ZNF608: variants seen among roughly 807,000 people sequenced by gnomAD.
ZNF608 encodes renal carcinoma antigen NY-REN-36.
In ZNF608, 12 loss-of-function variants were observed where a neutral mutation model predicts 109.0. That is an observed-to-expected ratio of 0.11 (90% CI 0.07 to 0.18). The LOEUF is 0.18. ZNF608 is among the 10% of genes least tolerant of loss of function. The pLI, the probability that ZNF608 is intolerant of heterozygous loss-of-function variation, is 1.00. For synonymous variants in ZNF608, 732 were observed against 717.4 expected (o/e 1.02, Z -0.33); for missense variants, 1,707 against 1,879.3 (o/e 0.91, Z 1.70).
chr5:124,651,233 CATGGTA>C (rs1348093867), intron 3 of ZNF608, among the ~76,000 whole-genome samples: 1 of 151,784 alleles, frequency 6.6e-6, no homozygotes, highest in Non-Finnish European at 1.5e-5. Context: ...GATGAGAATC[CATGGTA>C]ATTAGGCATT....
chr5:124,710,542 A>G (rs1753446723), intron 2 of ZNF608: 1 of 243,322 alleles, frequency 4.1e-6, no homozygotes, highest in East Asian at 1.0e-4. Context: ...AGAAGAAGAC[A>G]ATTTTGACTC....
At chr5:124,693,972 A>ATTTTTTTTT (rs1561564262) in intron 3 of ZNF608, among the ~76,000 whole-genome samples, 2 of 23,298 alleles carry the variant, frequency 8.6e-5, no homozygotes, top group African/African-American at 2.3e-4. Flanking sequence ...CATTTCATTA[A>ATTTTTTTTT]TCTTTTTTTT....
chr5:124,720,246 C>T (rs1753852611), intron 2 of ZNF608, among the ~76,000 whole-genome samples: 1 of 152,198 alleles, frequency 6.6e-6, no homozygotes, highest in Non-Finnish European at 1.5e-5. Context: ...AAAAAGGAAA[C>T]TCTTCCTAGG....
chr5:124,676,663 G>C (rs1245837854), intron 3 of ZNF608, among the ~76,000 whole-genome samples: 2 of 152,152 alleles, frequency 1.3e-5, no homozygotes, highest in East Asian at 3.8e-4. Context: ...GTGTGAAATA[G>C]TAAAGAACTG....
chr5:124,717,192 G>A (rs1013912033), intron 2 of ZNF608, among the ~76,000 whole-genome samples: 2 of 151,126 alleles, frequency 1.3e-5, no homozygotes, highest in African/African-American at 4.9e-5. Flanking sequence ...CTGGCCAGGA[G>A]CAATGGCTCA....
At chr5:124,685,840 A>G (rs912895519) in intron 3 of ZNF608, among the ~76,000 whole-genome samples, 1 of 152,152 alleles carries the variant, frequency 6.6e-6, no homozygotes, top group Non-Finnish European at 1.5e-5. Context: ...CTCTGCCTTG[A>G]TTTCTATGCA....
chr5:124,703,913 C>T (rs558134624), intron 2 of ZNF608, among the ~76,000 whole-genome samples: 1 of 152,316 alleles, frequency 6.6e-6, no homozygotes, highest in South Asian at 2.1e-4. Flanking sequence ...AACACACACA[C>T]ACCCCTCTCT....
chr5:124,716,142 CAAAAAAAAAAA>C (rs1232356378), intron 2 of ZNF608, among the ~76,000 whole-genome samples: 1 of 73,966 alleles, frequency 1.4e-5, no homozygotes, highest in Non-Finnish European at 2.8e-5. Context: ...GAATCCGTCT[CAAAAAAAAAAA>C]AAAAAAAAAA....
chr5:124,690,733 G>T (rs1354598867), intron 3 of ZNF608, among the ~76,000 whole-genome samples: 1 of 151,604 alleles, frequency 6.6e-6, no homozygotes, highest in Non-Finnish European at 1.5e-5. Flanking sequence ...CTGAACTAAA[G>T]ACACTAAGAC....
In ZNF608 at chr5:124,637,121, C is replaced by T. The variant is rs1431924272; in HGVS notation, c.*779G>A. ...AAAAAAAAAAGACTGTAGAACTATT[C>T]AAGTAATAGAACAATCACAGATGTC... On this transcript the variant is annotated 3_prime_UTR_variant, in exon 10 of 10. Coordinates refer to ENST00000513986, the MANE Select transcript of ZNF608 (RefSeq NM_020747.3). 2.0e-5 allele frequency: 3 copies of T among 149,098 alleles called. No individual in the cohort carries two copies. The highest frequency in any genetic ancestry group is 4.2e-4 in the South Asian group (2 of 4,710). 9.2% of individuals were successfully genotyped at this position (149,098 alleles called of 1,614,324 possible).
At chr5:124,742,274 G>T (rs555769217) in intron 2 of ZNF608, among the ~76,000 whole-genome samples, 1 of 152,176 alleles carries the variant, frequency 6.6e-6, no homozygotes, top group South Asian at 2.1e-4. Context: ...GAAATGTTCC[G>T]ATTGCCAGCT....
rs1749539016 is a variant in ZNF608, at chr5:124,744,163, A to G, written c.827T>C (p.Met276Thr). 3 of 1,613,422 alleles carry G rather than the reference A, an allele frequency of 1.9e-6. No individual in the cohort carries two copies. The highest frequency in any genetic ancestry group is 2.5e-6 in the Non-Finnish European group (3 of 1,179,942). ...VSKSAPDSGL[M>T]GNSMLVKKEE... ...CTTCTTTACCAACATAGAGTTTCCC[A>G]TGAGCCCTGAATCCGGGGCACTTTT... Residue 276 changes from methionine to threonine, a missense_variant, in exon 2 of 10, where the codon ATG (methionine) becomes ACG (threonine). Around this residue, in one of 7 missense-constraint regions of ZNF608, gnomAD observed 407 missense variants for 398.7 expected, o/e 1.02. Coordinates refer to ENST00000513986, the MANE Select transcript of ZNF608 (RefSeq NM_020747.3). This position sits in a 1 kb window ranked among gnomAD's most constrained non-coding sequence, Gnocchi z 4.5.
chr5:124,712,779 C>A (rs79177946), intron 2 of ZNF608, among the ~76,000 whole-genome samples: 1 of 151,994 alleles, frequency 6.6e-6, no homozygotes, highest in African/African-American at 2.4e-5. Context: ...TTAATTTTAC[C>A]CTAACAGCCA....
chr5:124,748,108 T>G (rs1749704885), upstream of ZNF608, among the ~76,000 whole-genome samples: 2 of 152,284 alleles, frequency 1.3e-5, no homozygotes, highest in African/African-American at 4.8e-5. Flanking sequence ...TATTAAATTA[T>G]CGGGCACTGG....
chr5:124,734,490 C>T (rs939368323), intron 2 of ZNF608: 2 of 152,236 alleles, frequency 1.3e-5, no homozygotes, highest in African/African-American at 4.8e-5. Context: ...AAGCCCAGAA[C>T]TAGGTCCATT....
chr5:124,716,651 T>TCC (rs1753715499), intron 2 of ZNF608, among the ~76,000 whole-genome samples: 1 of 152,230 alleles, frequency 6.6e-6, no homozygotes, highest in Non-Finnish European at 1.5e-5. Context: ...GTGAAATTTT[T>TCC]TCAGGTAGCT....
chr5:124,639,721 A>G (rs189995619), intron 8 of ZNF608, among the ~76,000 whole-genome samples: 6 of 152,348 alleles, frequency 3.9e-5, no homozygotes, highest in African/African-American at 1.4e-4. Flanking sequence ...TGCAAGACAA[A>G]GGTAGCAGTC....
chr5:124,640,507 C>T (rs1750190187), intron 8 of ZNF608, among the ~76,000 whole-genome samples: 1 of 152,188 alleles, frequency 6.6e-6, no homozygotes, highest in Admixed American at 6.5e-5. Flanking sequence ...CAGACGCTGG[C>T]TGTACTGGCA....
intron 3 of ZNF608, among the ~76,000 whole-genome samples, chr5:124,671,973 G>A (rs890423375): frequency 2.0e-5 from 3 of 151,952 alleles, no homozygotes; most frequent in Non-Finnish European, 4.4e-5. Context: ...ACACAGAAAA[G>A]GTAACAGGCC....
Sources: allele counts gnomAD v4.1 joint callset (sites outside exome capture counted in the v4.1 genomes callset), GRCh38; gene constraint gnomAD v4.1.1; regional missense constraint gnomAD v4.1.1; non-coding constraint Gnocchi (gnomAD v3.1); transcripts MANE v1.5; gene names NCBI Gene and HGNC (gene_info 2026-07-23, HGNC 2026-07-21).